UHRF2: variants seen among roughly 807,000 people sequenced by gnomAD.
UHRF2 encodes ubiquitin like with PHD and ring finger domains 2.
A neutral mutation model predicts 96.8 loss-of-function variants in UHRF2; 23 were observed. The observed-to-expected ratio is 0.24, with a 90% CI of 0.17 to 0.34. The LOEUF is 0.34. Ranked by LOEUF, UHRF2 falls within the 10% of genes least tolerant of loss-of-function variation. The pLI, the probability that UHRF2 is intolerant of heterozygous loss-of-function variation, is 1.00. For missense variants in UHRF2, 685 were observed against 981.5 expected, an observed-to-expected ratio of 0.70 and a Z score of 4.04; for synonymous variants, 385 against 332.6, an observed-to-expected ratio of 1.16 and a Z score of -1.72.
chr9:6,432,882 C>T (rs1820634925), intron 2 of UHRF2, among the ~76,000 whole-genome samples: 1 of 151,782 alleles, frequency 6.6e-6, no homozygotes, highest in African/African-American at 2.4e-5. Context: ...GCTGTATTGC[C>T]CAAACTGGAG....
At chr9:6,456,307 TA>T (rs1216785199) in intron 3 of UHRF2, among the ~76,000 whole-genome samples, 1 of 152,214 alleles carries the variant, frequency 6.6e-6, no homozygotes, top group Admixed American at 6.5e-5. Flanking sequence ...CTTTTTTTCA[TA>T]TGTTTGTTGG....
chr9:6,468,792 C>A, intron 4 of UHRF2: 1 of 417,120 alleles, frequency 2.4e-6, no homozygotes, highest in South Asian at 1.7e-5. Context: ...ATATGTAGGT[C>A]TTTTAGTTTG....
chr9:6,497,763 C>T (rs1036021798), intron 11 of UHRF2, among the ~76,000 whole-genome samples: 1 of 152,004 alleles, frequency 6.6e-6, no homozygotes, highest in Non-Finnish European at 1.5e-5. Flanking sequence ...GCCATCTTTA[C>T]GATACAAAAT....
chr9:6,496,031 C>G (rs1342695836), intron 10 of UHRF2: 1 of 151,738 alleles, frequency 6.6e-6, no homozygotes, highest in Non-Finnish European at 1.5e-5. Context: ...AGCTTCAACT[C>G]TTTGACCACA....
chr9:6,464,045 AG>A (rs1822718242), intron 4 of UHRF2, among the ~76,000 whole-genome samples: 1 of 152,194 alleles, frequency 6.6e-6, no homozygotes, highest in Non-Finnish European at 1.5e-5. Flanking sequence ...TGTCTGTACC[AG>A]GTTACAGTTC....
chr9:6,477,702 G>A lies in UHRF2; in HGVS notation c.1054G>A (p.Gly352Arg). The A allele has an allele frequency of 1.2e-6, 2 of 1,614,110 alleles. No individual in the cohort carries two copies. The highest frequency in any genetic ancestry group is 1.7e-6 in the Non-Finnish European group (2 of 1,179,998). ...CHSCSCRVCG[G>R]KHEPNMQLLC... ...TTCTTGCTCCTGTCGTGTATGTGGT[G>A]GGAAACATGAACCCAACATGCAGCT... The change falls in exon 6 of 16, where the codon GGG becomes AGG. Residue 352 changes from glycine (G) to arginine (R), a missense_variant. This residue lies in a region of UHRF2 where 391 missense variants were observed against 437.0 expected (regional missense o/e 0.89). Coordinates refer to ENST00000276893, the MANE Select transcript of UHRF2 (RefSeq NM_152896.3).
intron 4 of UHRF2, among the ~76,000 whole-genome samples, chr9:6,467,431 C>G (rs1373632508): frequency 2.0e-5 from 3 of 151,908 alleles, no homozygotes; most frequent in Admixed American, 6.6e-5. Context: ...TTATAGGTTC[C>G]TGGAATTAGG....
At chr9:6,456,783 A>T (rs1822205002) in intron 3 of UHRF2, among the ~76,000 whole-genome samples, 1 of 152,214 alleles carries the variant, frequency 6.6e-6, no homozygotes, top group Non-Finnish European at 1.5e-5. Flanking sequence ...CATTTATTAA[A>T]TAGGGAATCC....
intron 2 of UHRF2, among the ~76,000 whole-genome samples, chr9:6,433,278 T>C (rs964774907): frequency 2.0e-5 from 3 of 152,226 alleles, no homozygotes; most frequent in African/African-American, 7.2e-5. Flanking sequence ...GCCACTGGAA[T>C]TGACTACCTC....
chr9:6,443,893 G>A (rs1408117166), intron 3 of UHRF2, among the ~76,000 whole-genome samples: 2 of 152,156 alleles, frequency 1.3e-5, no homozygotes. Context: ...TAAGATTTCT[G>A]GAGCTATTCT....
chr9:6,476,924 A>G (rs367623310), intron 5 of UHRF2, among the ~76,000 whole-genome samples: 15 of 152,046 alleles, frequency 9.9e-5, no homozygotes, highest in Non-Finnish European at 2.1e-4. Context: ...CTCACACTTG[A>G]TTATTCTTTT....
intron 4 of UHRF2, among the ~76,000 whole-genome samples, chr9:6,465,338 T>C (rs974541262): frequency 6.6e-6 from 1 of 152,200 alleles, no homozygotes; most frequent in African/African-American, 2.4e-5. Context: ...TTTCACAAAA[T>C]AATTTGGAAT....
chr9:6,460,432 C>T (rs1425859439), intron 3 of UHRF2, 141 bp from the exon 4 acceptor site: 9 of 642,196 alleles, frequency 1.4e-5, no homozygotes, highest in Non-Finnish European at 2.3e-5. Flanking sequence ...GAAGTAATAA[C>T]ACCTGCTATT....
chr9:6,453,275 TC>T, intron 3 of UHRF2, among the ~76,000 whole-genome samples: 1 of 152,224 alleles, frequency 6.6e-6, no homozygotes. Flanking sequence ...TCAAAATCTT[TC>T]CATTCTGGGT....
intron 3 of UHRF2, among the ~76,000 whole-genome samples, chr9:6,446,070 G>C (rs994615572): frequency 3.3e-4 from 46 of 139,304 alleles, no homozygotes; most frequent in African/African-American, 1.2e-3. Flanking sequence ...TCGGCTCACT[G>C]CTGCCTTGAC....
At chr9:6,502,752 A>G (rs971330172) in intron 14 of UHRF2, among the ~76,000 whole-genome samples, 1 of 152,240 alleles carries the variant, frequency 6.6e-6, no homozygotes, top group Non-Finnish European at 1.5e-5. Flanking sequence ...TACCCGTATT[A>G]TAGGAACTGT....
intron 3 of UHRF2, among the ~76,000 whole-genome samples, chr9:6,449,891 G>A (rs931244264): frequency 3.3e-5 from 5 of 152,188 alleles, no homozygotes; most frequent in African/African-American, 1.2e-4. Context: ...TGCCCTGTGT[G>A]ACTCTACTAG....
chr9:6,501,238 C>G (rs547046659), intron 14 of UHRF2, among the ~76,000 whole-genome samples: 1 of 152,238 alleles, frequency 6.6e-6, no homozygotes, highest in African/African-American at 2.4e-5. Context: ...TTGTGTTAAG[C>G]TGTGTTTTGC....
At chr9:6,419,038 T>C (rs1819771876) in intron 1 of UHRF2, among the ~76,000 whole-genome samples, 1 of 152,172 alleles carries the variant, frequency 6.6e-6, no homozygotes, top group South Asian at 2.1e-4. Context: ...GTCCCCTTAT[T>C]ATGAGGACAC....
Sources: gnomAD v4.1 joint callset for allele counts (sites outside exome capture counted in the v4.1 genomes callset) on GRCh38, gnomAD v4.1.1 for gene constraint, gnomAD v4.1.1 regional missense constraint, MANE v1.5 for transcripts, NCBI Gene and HGNC (gene_info 2026-07-23, HGNC 2026-07-21) for gene names.